Variants in GLIS3 observed in about 807,000 individuals in gnomAD.
The protein encoded by GLIS3 is GLIS family zinc finger 3, also known as zinc finger protein GLIS3.
GLIS3 carries 53 observed loss-of-function variants against 78.6 expected under a neutral mutation model. That is an observed-to-expected ratio of 0.67 (90% CI 0.54 to 0.85). GLIS3 has a LOEUF of 0.85. Among genes scored for constraint, GLIS3 ranks in the 40% least tolerant of loss-of-function variants. GLIS3 has a pLI of 0.00. For missense variants in GLIS3, 1,703 were observed against 1,231.1 expected (o/e 1.38, Z -5.74); for synonymous variants, 684 against 509.9 (o/e 1.34, Z -4.60).
chr9:4,170,059 T>G (rs1025437059), intron 2 of GLIS3, among the ~76,000 whole-genome samples: 2 of 152,164 alleles, frequency 1.3e-5, no homozygotes, highest in African/African-American at 4.8e-5. Context: ...ATCACGGATA[T>G]AGAAACTGCC....
chr9:4,155,625 T>C (rs1248397322), intron 2 of GLIS3, among the ~76,000 whole-genome samples: 3 of 152,202 alleles, frequency 2.0e-5, no homozygotes, highest in South Asian at 4.1e-4. Flanking sequence ...CCCTCCTGAA[T>C]TTCAGAGAGT....
intron 2 of GLIS3, among the ~76,000 whole-genome samples, chr9:4,319,904 T>C (rs1817496489): frequency 6.6e-6 from 1 of 152,180 alleles, no homozygotes; most frequent in Non-Finnish European, 1.5e-5. Flanking sequence ...ACCAGAATTC[T>C]AATCTGTCTA....
At chr9:4,217,515 A>C (rs1432788583) in intron 2 of GLIS3, among the ~76,000 whole-genome samples, 2 of 152,174 alleles carry the variant, frequency 1.3e-5, no homozygotes, top group Non-Finnish European at 2.9e-5. Flanking sequence ...CATGTGTCTC[A>C]AGGTATCATC....
chr9:4,418,649 A>T, the GLIS3 span, among the ~76,000 whole-genome samples: 1 of 152,154 alleles, frequency 6.6e-6, no homozygotes, highest in Non-Finnish European at 1.5e-5. Flanking sequence ...CAGTGAGCCG[A>T]GATCACGCCA....
At chr9:4,335,348 CAATT>C (rs1817742211) in intron 2 of GLIS3, among the ~76,000 whole-genome samples, 1 of 152,156 alleles carries the variant, frequency 6.6e-6, no homozygotes, top group East Asian at 1.9e-4. Context: ...TGAAATTGAT[CAATT>C]AATTGTAGAC....
intron 2 of GLIS3, among the ~76,000 whole-genome samples, chr9:4,169,285 T>G (rs1380683480): frequency 6.6e-6 from 1 of 152,214 alleles, no homozygotes; most frequent in African/African-American, 2.4e-5. Flanking sequence ...AAAAACATCA[T>G]TACTAGCCTC....
chr9:3,943,179 G>A (rs1257533605), intron 4 of GLIS3, among the ~76,000 whole-genome samples: 1 of 152,226 alleles, frequency 6.6e-6, no homozygotes, highest in Non-Finnish European at 1.5e-5. Context: ...TAGACTGGAT[G>A]CATTTACATG....
At chr9:3,886,050 A>G (rs372602036) in intron 7 of GLIS3, among the ~76,000 whole-genome samples, 4 of 152,298 alleles carry the variant, frequency 2.6e-5, no homozygotes, top group African/African-American at 9.6e-5. Context: ...TGCTCAAGAA[A>G]CCACTGTTGC....
chr9:4,471,567 A>G, the GLIS3 span, among the ~76,000 whole-genome samples: 7 of 152,196 alleles, frequency 4.6e-5, no homozygotes, highest in African/African-American at 1.7e-4. Context: ...AGAAAGCTGA[A>G]ATTGGATCCC....
the GLIS3 span, among the ~76,000 whole-genome samples, chr9:4,371,556 A>G: frequency 1.1e-4 from 17 of 152,190 alleles, no homozygotes; most frequent in African/African-American, 4.1e-4. Flanking sequence ...GCCAATGGGG[A>G]CACCCTACCA....
At chr9:4,352,618 G>C (rs1490124229), upstream of GLIS3, among the ~76,000 whole-genome samples, 1 of 152,218 alleles carries the variant, frequency 6.6e-6, no homozygotes, top group Non-Finnish European at 1.5e-5. Context: ...TCTTCCTTTG[G>C]CCATCACCAG....
chr9:3,900,108 T>C (rs1472871743), intron 6 of GLIS3, among the ~76,000 whole-genome samples: 2 of 143,146 alleles, frequency 1.4e-5, no homozygotes, highest in East Asian at 2.0e-4. Flanking sequence ...AAATAGAAGA[T>C]GAAACCAGAG....
At chr9:4,200,116 G>C (rs926182994) in intron 2 of GLIS3, among the ~76,000 whole-genome samples, 9 of 152,074 alleles carry the variant, frequency 5.9e-5, no homozygotes, top group African/African-American at 2.2e-4. Context: ...AATGAAAACA[G>C]AGATACAGCA....
At chr9:4,213,054 C>T (rs1454592784) in intron 2 of GLIS3, among the ~76,000 whole-genome samples, 2 of 152,204 alleles carry the variant, frequency 1.3e-5, no homozygotes, top group African/African-American at 4.8e-5. Flanking sequence ...TGGAAAAAAA[C>T]TATTTCCCTT....
chr9:4,255,286 T>G (rs1824817102), intron 2 of GLIS3, among the ~76,000 whole-genome samples: 1 of 152,212 alleles, frequency 6.6e-6, no homozygotes, highest in Non-Finnish European at 1.5e-5. Flanking sequence ...GTACAGCTAC[T>G]TTGGAAGACA....
chr9:4,374,274 G>C, the GLIS3 span, among the ~76,000 whole-genome samples: 20 of 152,332 alleles, frequency 1.3e-4, no homozygotes, highest in African/African-American at 3.4e-4. Context: ...AGCAATGGCT[G>C]TTATGGGCTA....
the GLIS3 span, among the ~76,000 whole-genome samples, chr9:4,477,988 A>G: frequency 6.6e-6 from 1 of 152,330 alleles, no homozygotes; most frequent in South Asian, 2.1e-4. Flanking sequence ...CCCAGAAACA[A>G]CATAGCAATG....
the GLIS3 span, among the ~76,000 whole-genome samples, chr9:4,437,257 G>C: frequency 6.6e-6 from 1 of 152,134 alleles, no homozygotes; most frequent in East Asian, 1.9e-4. Context: ...AACTGCATGA[G>C]GGTCTTGGAT....
chr9:4,265,232 A>C (rs1049930854), intron 2 of GLIS3, among the ~76,000 whole-genome samples: 10 of 152,032 alleles, frequency 6.6e-5, no homozygotes, highest in Admixed American at 3.9e-4. Flanking sequence ...CATCTGGTGA[A>C]AGGTGATAGG....
Sources: gnomAD v4.1 joint callset for allele counts (sites outside exome capture counted in the v4.1 genomes callset) on GRCh38, gnomAD v4.1.1 for gene constraint, MANE v1.5 for transcripts, NCBI Gene and HGNC (gene_info 2026-07-23, HGNC 2026-07-21) for gene names.